Variants in PCNX1 observed in about 807,000 individuals in gnomAD.
The protein encoded by PCNX1 is pecanex-like protein 1.
In PCNX1, 78 loss-of-function variants were observed where a neutral mutation model predicts 242.2. The observed-to-expected ratio is 0.32, with a 90% CI of 0.27 to 0.39. PCNX1 has a LOEUF of 0.39. Among genes scored for constraint, PCNX1 ranks in the 10% least tolerant of loss-of-function variants. PCNX1 has a pLI of 1.00. For synonymous variants in PCNX1, 1,024 were observed against 1,032.9 expected (o/e 0.99, Z 0.17); for missense variants, 2,581 against 2,856.5 (o/e 0.90, Z 2.20).
At chr14:70,953,915 G>A (rs550935700) in intron 2 of PCNX1, among the ~76,000 whole-genome samples, 19 of 152,052 alleles carry the variant, frequency 1.2e-4, no homozygotes, top group East Asian at 1.2e-3. Flanking sequence ...TGATCCACCC[G>A]CCTCAGCCTC....
intron 12 of PCNX1, among the ~76,000 whole-genome samples, chr14:71,020,397 C>G (rs939494328): frequency 6.6e-6 from 1 of 152,180 alleles, no homozygotes; most frequent in African/African-American, 2.4e-5. Flanking sequence ...ACAGTCCCAC[C>G]AACAGTGTAA....
At chr14:70,936,828 C>G (rs1399304386) in intron 1 of PCNX1, among the ~76,000 whole-genome samples, 3 of 152,196 alleles carry the variant, frequency 2.0e-5, no homozygotes, top group African/African-American at 7.2e-5. Context: ...ACCATTCTAA[C>G]TGGTGTGAGA....
At chr14:71,026,364 A>G (rs1236420233) in intron 14 of PCNX1, 76 bp downstream of exon 14, 14 of 865,674 alleles carry the variant, frequency 1.6e-5, no homozygotes, top group Admixed American at 9.3e-5. Flanking sequence ...AAATATATCA[A>G]TTATACAGCT....
chr14:71,073,451 A>C, intron 26 of PCNX1, 94 bp from the exon 27 acceptor site: 1 of 1,197,036 alleles, frequency 8.4e-7, no homozygotes, highest in Non-Finnish European at 1.2e-6. Context: ...TTGCAATAAA[A>C]TATGTATTTT....
At chr14:71,105,551 G>C in intron 33 of PCNX1, 111 bp downstream of exon 33, 4 of 798,322 alleles carry the variant, frequency 5.0e-6, no homozygotes, top group Non-Finnish European at 7.8e-6. Flanking sequence ...TTCAGAAATA[G>C]AATTTTTTTT....
chr14:71,109,116 TGAA>T lies in PCNX1; in HGVS notation c.6744+72_6744+74del, dbSNP rs748893224. The T allele has an allele frequency of 9.6e-4, 1,215 of 1,267,266 alleles. 4 individuals carry two copies. Among genetic ancestry groups the T allele is most frequent in the Non-Finnish European group, 1.2e-3 (1,074 of 918,132 alleles). 78.5% of individuals were successfully genotyped at this position (1,267,266 alleles called of 1,614,324 possible). A position where few individuals can be genotyped will look rare whatever the true frequency, so the allele number is the denominator to read the frequency against. ...TTGTTTTTATTTCTTATTTGTTGAA[TGAA>T]GGACTGTTGTGAATACACACCTTAT... On this transcript the variant is annotated intron_variant, in intron 34 of 35. Transcript: ENST00000304743.
intron 1 of PCNX1, among the ~76,000 whole-genome samples, chr14:70,944,176 T>G (rs1198800109): frequency 2.0e-5 from 3 of 152,064 alleles, no homozygotes; most frequent in Non-Finnish European, 4.4e-5. Context: ...CACAGAATGG[T>G]AGATCCAACA....
intron 1 of PCNX1, among the ~76,000 whole-genome samples, chr14:70,945,228 G>C (rs1288893527): frequency 6.6e-6 from 1 of 152,138 alleles, no homozygotes; most frequent in South Asian, 2.1e-4. Context: ...AGGATTTTAA[G>C]AGTTTTTGCC....
At chr14:70,939,899 C>T (rs957103103) in intron 1 of PCNX1, among the ~76,000 whole-genome samples, 2 of 152,154 alleles carry the variant, frequency 1.3e-5, no homozygotes, top group Non-Finnish European at 2.9e-5. Flanking sequence ...TTCTTTGTCT[C>T]TTTTGATCTT....
intron 9 of PCNX1, among the ~76,000 whole-genome samples, chr14:71,010,359 C>T (rs984272903): frequency 1.3e-5 from 2 of 151,922 alleles, no homozygotes; most frequent in African/African-American, 2.4e-5. Context: ...GGTTCTCTTT[C>T]TTTATGTAAT....
chr14:70,935,912 C>T (rs899885056), intron 1 of PCNX1, among the ~76,000 whole-genome samples: 2 of 152,106 alleles, frequency 1.3e-5, no homozygotes, highest in Admixed American at 6.5e-5. Flanking sequence ...TCCAGGAATT[C>T]TGGTTTTTAT....
intron 30 of PCNX1, among the ~76,000 whole-genome samples, chr14:71,098,554 GA>G (rs2141780991): frequency 9.6e-6 from 1 of 103,830 alleles, no homozygotes; most frequent in East Asian, 4.6e-4. Flanking sequence ...GTGTGTGTGT[GA>G]GAGAGAGAGA....
chr14:70,955,406 T>G (rs554924955), intron 2 of PCNX1, among the ~76,000 whole-genome samples: 5 of 152,284 alleles, frequency 3.3e-5, no homozygotes, highest in African/African-American at 1.2e-4. Context: ...TACTCCAGAT[T>G]TACAAACTTG....
In PCNX1 at chr14:71,067,457, G is replaced by A. The variant is rs899821437; in HGVS notation, c.4853-6088G>A. 5.8e-4 allele frequency among the ~76,000 whole-genome samples: 88 copies of A among 152,030 alleles called. 1 individual carries two copies. The highest frequency in any genetic ancestry group is 2.0e-4 in the Admixed American group (3 of 15,258). ...TTTGTATTTCTGTGGGATCGGTGGT[G>A]ATATCTCCTTTATCATTTTTTGTGT... On this transcript the variant is annotated intron_variant, in intron 26 of 35. Transcript: ENST00000304743.
At chr14:70,937,161 G>C (rs1486783387) in intron 1 of PCNX1, among the ~76,000 whole-genome samples, 1 of 152,054 alleles carries the variant, frequency 6.6e-6, no homozygotes. Flanking sequence ...GTCAATTTTG[G>C]CTTTTGTTGC....
chr14:71,109,086 CTTAT>C (rs2062699876), intron 34 of PCNX1, 40 bp downstream of exon 34: 5 of 1,487,848 alleles, frequency 3.4e-6, no homozygotes, highest in Non-Finnish European at 4.5e-6. Context: ...GTTTTTGTTA[CTTAT>C]TTGTTTTTAT....
At chr14:70,950,144 T>C (rs1170727033) in intron 2 of PCNX1, among the ~76,000 whole-genome samples, 1 of 152,226 alleles carries the variant, frequency 6.6e-6, no homozygotes, top group Non-Finnish European at 1.5e-5. Context: ...CCCTGTTTGT[T>C]AATTAAACAC....
intron 26 of PCNX1, among the ~76,000 whole-genome samples, chr14:71,065,553 G>C (rs748637920): frequency 2.0e-5 from 3 of 151,806 alleles, no homozygotes; most frequent in Non-Finnish European, 2.9e-5. Context: ...CAAAAATTTT[G>C]TCTCATTCTG....
rs115289544 is a variant in PCNX1, at chr14:70,933,232, G to A, written c.154-13683G>A. 7.8e-3 allele frequency among the ~76,000 whole-genome samples: 1,193 copies of A among 152,282 alleles called. 8 individuals are homozygous for A. Among genetic ancestry groups the A allele is most frequent in the South Asian group, 0.017 (82 of 4,826 alleles). ...CTAGCAGCTACTTTGCTTTACTGTT[G>A]GAAGAAACTGGTGGTGTTGGCGGTG... is the stretch of plus-strand genomic sequence containing the variant. On this transcript the variant is annotated intron_variant, in intron 1 of 35. Transcript: ENST00000304743.
Sources: gnomAD v4.1 joint callset for allele counts (sites outside exome capture counted in the v4.1 genomes callset) on GRCh38, gnomAD v4.1.1 for gene constraint, MANE v1.5 for transcripts, NCBI Gene and HGNC (gene_info 2026-07-23, HGNC 2026-07-21) for gene names.